NAF1: variants seen among roughly 807,000 people sequenced by gnomAD.
NAF1 encodes the protein H/ACA ribonucleoprotein complex non-core subunit NAF1.
Under a neutral mutation model 40.6 loss-of-function variants are expected in NAF1, and 11 were observed. The observed-to-expected ratio is 0.27, with a 90% CI of 0.17 to 0.45. NAF1 has a LOEUF of 0.45. NAF1 is among the 20% of genes least tolerant of loss of function. The probability of loss-of-function intolerance (pLI) is 1.00; values close to 1 mark genes in which losing one functional copy is unlikely to be tolerated. For synonymous variants in NAF1, 260 were observed against 228.5 expected (o/e 1.14, Z -1.24); for missense variants, 607 against 611.1 (o/e 0.99, Z 0.07).
intron 1 of NAF1, among the ~76,000 whole-genome samples, chr4:163,164,674 A>G (rs1345388558): frequency 6.6e-6 from 1 of 152,190 alleles, no homozygotes; most frequent in Non-Finnish European, 1.5e-5. Flanking sequence ...TCCTCTTATT[A>G]CAATACTCTC....
chr4:163,163,546 T>C lies in NAF1; in HGVS notation c.540+671A>G, dbSNP rs552470093. Among the ~76,000 whole-genome samples, 4 of 152,230 alleles carry C rather than the reference T, an allele frequency of 2.6e-5. No homozygotes were observed. In the South Asian group the frequency reaches 8.3e-4, roughly 32 times the overall value. On this transcript the variant is annotated intron_variant, in intron 2 of 7. Transcript: ENST00000274054. ...TACATTCTGAAATTCTGAGAAGGCT[T>C]TCCTCTTGGGTCATAGGTTTCAATC...
chr4:163,119,741 T>A (rs1321558960), intron 2 of NAF1: 1 of 152,228 alleles, frequency 6.6e-6, no homozygotes, highest in African/African-American at 2.4e-5. Context: ...CCACAGTCCG[T>A]ATATTAGATC....
chr4:163,138,732 A>T (rs1731149232), intron 5 of NAF1, among the ~76,000 whole-genome samples: 1 of 152,152 alleles, frequency 6.6e-6, no homozygotes, highest in African/African-American at 2.4e-5. Context: ...AAGAACTGCA[A>T]ATCAAAACCA....
At chr4:163,149,993 T>G (rs1052307896) in intron 2 of NAF1, among the ~76,000 whole-genome samples, 2 of 152,090 alleles carry the variant, frequency 1.3e-5, no homozygotes, top group Admixed American at 1.3e-4. Context: ...CATTTGCTAA[T>G]CCAGAAGTAC....
chr4:163,104,680 C>G, the NAF1 span, among the ~76,000 whole-genome samples: 1 of 152,146 alleles, frequency 6.6e-6, no homozygotes, highest in Non-Finnish European at 1.5e-5. Flanking sequence ...TCAGAAAGAT[C>G]ACTAAGGAAC....
downstream of NAF1, among the ~76,000 whole-genome samples, chr4:163,108,113 A>T (rs1471449125): frequency 6.6e-6 from 1 of 152,186 alleles, no homozygotes; most frequent in African/African-American, 2.4e-5. Context: ...TGCATATATC[A>T]ACAGCGATGT....
At chr4:163,153,441 G>A (rs1384156290) in intron 2 of NAF1, among the ~76,000 whole-genome samples, 1 of 152,148 alleles carries the variant, frequency 6.6e-6, no homozygotes, top group African/African-American at 2.4e-5. Flanking sequence ...TAGCTGCTCT[G>A]GTGGGGCCTT....
chr4:163,137,187 A>G lies in NAF1; in HGVS notation c.930+12T>C, dbSNP rs779949673. On this transcript the variant is annotated intron_variant, in intron 6 of 7. Coordinates refer to ENST00000274054, the MANE Select transcript of NAF1 (RefSeq NM_138386.3). ...ACTTTATAAAATGTTGCATAAAAAGACTTATACTTACCTCTGGTGGTGGTT... is the reference window on the plus strand; with the variant it reads ...ACTTTATAAAATGTTGCATAAAAAGGCTTATACTTACCTCTGGTGGTGGTT... 2 of 1,612,082 alleles carry G rather than the reference A, an allele frequency of 1.2e-6. No homozygotes were observed. Among genetic ancestry groups the G allele is most frequent in the Non-Finnish European group, 8.5e-7 (1 of 1,178,512 alleles).
intron 1 of NAF1, among the ~76,000 whole-genome samples, chr4:163,165,191 G>A (rs746464202): frequency 3.0e-4 from 46 of 152,146 alleles, no homozygotes; most frequent in Admixed American, 9.2e-4. Context: ...CTCATAGCAA[G>A]TTAAAACAAG....
the NAF1 span, among the ~76,000 whole-genome samples, chr4:163,104,384 T>C: frequency 6.6e-6 from 1 of 152,172 alleles, no homozygotes; most frequent in African/African-American, 2.4e-5. Context: ...TCGCAATTCA[T>C]AAAAATAGGT....
intron 4 of NAF1, chr4:163,141,802 G>T: frequency 3.8e-6 from 1 of 265,028 alleles, no homozygotes; most frequent in Non-Finnish European, 5.8e-6. Flanking sequence ...TATACCAACT[G>T]CATTGAACAT....
chr4:163,115,061 G>A (rs1427855341), intron 2 of NAF1, among the ~76,000 whole-genome samples: 2 of 151,940 alleles, frequency 1.3e-5, no homozygotes, highest in Non-Finnish European at 2.9e-5. Context: ...AAATGTGACA[G>A]TCAATTAGAC....
intron 2 of NAF1, among the ~76,000 whole-genome samples, chr4:163,151,075 AT>A (rs890874850): frequency 1.3e-3 from 198 of 151,512 alleles, no homozygotes; most frequent in Non-Finnish European, 2.5e-3. Context: ...AACTTTACAT[AT>A]TTTTTAAGGG....
chr4:163,166,474 G>A lies in NAF1; in HGVS notation c.254C>T (p.Pro85Leu), dbSNP rs1436739680. 2 of 1,603,044 alleles carry A rather than the reference G, an allele frequency of 1.2e-6. No homozygotes were observed. Among genetic ancestry groups the A allele is most frequent in the African/African-American group, 1.3e-5 (1 of 74,674 alleles). The change falls in exon 1 of 8, where the codon CCA (proline) becomes CTA (leucine). Residue 85 changes from proline to leucine, a missense_variant. Pro to Leu is a moderately conservative substitution (Grantham distance 98). Transcript: ENST00000274054. Reference sequence around the variant, plus strand: ...TCCGCAGGCCGGCGATTCAGCCGGTGGCTGTGGCTGCGGCGCCGGGGTCCC... The same window carrying A: ...TCCGCAGGCCGGCGATTCAGCCGGTAGCTGTGGCTGCGGCGCCGGGGTCCC... ...AAGTPAPQPQ[P>L]PAESPACGDC...
At chr4:163,107,879 T>C (rs1295767438), downstream of NAF1, among the ~76,000 whole-genome samples, 2 of 152,202 alleles carry the variant, frequency 1.3e-5, no homozygotes, top group African/African-American at 4.8e-5. Context: ...CTTAATATTG[T>C]ACATTAAAAA....
At chr4:163,157,455 C>G (rs1732035482) in intron 2 of NAF1, 1 of 151,834 alleles carries the variant, frequency 6.6e-6, no homozygotes, top group Non-Finnish European at 1.5e-5. Flanking sequence ...TTTTTCTTAC[C>G]TACGAATAGT....
intron 7 of NAF1, among the ~76,000 whole-genome samples, chr4:163,130,814 TAA>T (rs1730841815): frequency 6.6e-6 from 1 of 152,226 alleles, no homozygotes; most frequent in Non-Finnish European, 1.5e-5. Flanking sequence ...GACCTCAATG[TAA>T]AATGCAGAAT....
intron 7 of NAF1, among the ~76,000 whole-genome samples, chr4:163,131,957 A>G (rs1394009955): frequency 3.3e-5 from 5 of 152,230 alleles, no homozygotes; most frequent in African/African-American, 9.6e-5. Context: ...GAACACATGG[A>G]AAGATGTTCA....
At chr4:163,159,547 T>C (rs1732134431) in intron 2 of NAF1, among the ~76,000 whole-genome samples, 4 of 152,132 alleles carry the variant, frequency 2.6e-5, no homozygotes, top group Non-Finnish European at 4.4e-5. Context: ...CAATTTCATA[T>C]ATGATGGGAG....
Sources: allele counts gnomAD v4.1 joint callset (sites outside exome capture counted in the v4.1 genomes callset), GRCh38; gene constraint gnomAD v4.1.1; transcripts MANE v1.5; gene names NCBI Gene and HGNC (gene_info 2026-07-23, HGNC 2026-07-21).